The following PDGFRA variants were observed in gnomAD, a reference collection of about 807,000 sequenced individuals.
PDGFRA encodes platelet derived growth factor receptor alpha, also known as platelet-derived growth factor receptor alpha.
Under a neutral mutation model 121.5 loss-of-function variants are expected in PDGFRA, and 25 were observed. The ratio of observed to expected loss-of-function variants is 0.21; its 90% confidence interval spans 0.15 to 0.29. PDGFRA has a LOEUF of 0.29. Among genes scored for constraint, PDGFRA ranks in the 10% least tolerant of loss-of-function variants. The probability of loss-of-function intolerance (pLI) is 1.00; values close to 1 mark genes in which losing one functional copy is unlikely to be tolerated. For synonymous variants in PDGFRA, 463 were observed against 494.8 expected (o/e 0.94, Z 0.85); for missense variants, 1,008 against 1,345.1 (o/e 0.75, Z 3.92).
chr4:54,258,827 C>T lies in PDGFRA; in HGVS notation c.49+10C>T, dbSNP rs377310679. 1 of 1,611,290 alleles carries T rather than the reference C, an allele frequency of 6.2e-7. No homozygotes were observed. The highest frequency in any genetic ancestry group is 1.3e-5 in the African/African-American group (1 of 74,946). ...GGCTGTCTTCTCACAGGTACGGAGCCCAGTCCTCTCTGAGTTCCTTGTTTG... is the reference window on the plus strand; with the variant it reads ...GGCTGTCTTCTCACAGGTACGGAGCTCAGTCCTCTCTGAGTTCCTTGTTTG... On this transcript the variant is annotated intron_variant, in intron 2 of 22. Coordinates refer to ENST00000257290, the MANE Select transcript of PDGFRA (RefSeq NM_006206.6).
At position 54,295,281 on chromosome 4, in the gene PDGFRA, T is replaced by G. The variant is rs762091057; in HGVS notation, c.*9T>G. On this transcript the variant is annotated 3_prime_UTR_variant, in exon 23 of 23. Transcript: ENST00000257290. ...AAGACAGCTTCCTGTAACTGGCGGA[T>G]TCGAGGGGTTCCTTCCACTTCTGGG... The G allele has an allele frequency of 6.2e-7, 1 of 1,613,972 alleles. No homozygotes were observed. The highest frequency in any genetic ancestry group is 8.5e-7 in the Non-Finnish European group (1 of 1,179,924).
intron 16 of PDGFRA, among the ~76,000 whole-genome samples, 176 bp from the exon 17 acceptor site, chr4:54,285,195 C>T (rs1724277189): frequency 6.6e-6 from 1 of 152,090 alleles, no homozygotes; most frequent in African/African-American, 2.4e-5. Flanking sequence ...CATGCCTGGC[C>T]TATATATCTA....
chr4:54,272,241 C>A (rs1723440935), intron 8 of PDGFRA, among the ~76,000 whole-genome samples, 153 bp from the exon 9 acceptor site: 1 of 151,976 alleles, frequency 6.6e-6, no homozygotes. Context: ...GTGGGTCTGT[C>A]TAAACTGGAG....
intron 18 of PDGFRA, 59 bp downstream of exon 18, chr4:54,286,022 T>G: frequency 2.6e-6 from 4 of 1,562,870 alleles, no homozygotes; most frequent in Non-Finnish European, 3.5e-6. Context: ...ATCTCTAAAG[T>G]CAGGTGTTGC....
At position 54,296,963 on chromosome 4, in the gene PDGFRA, G is replaced by A. The variant is rs1358853194; in HGVS notation, c.*1691G>A. 2 of 233,028 alleles carry A rather than the reference G, an allele frequency of 8.6e-6. No homozygotes were observed. Among genetic ancestry groups the A allele is most frequent in the African/African-American group, 4.4e-5 (2 of 45,316 alleles). 14.4% of individuals were successfully genotyped at this position (233,028 alleles called of 1,614,324 possible). A position where few individuals can be genotyped will look rare whatever the true frequency, so the allele number is the denominator to read the frequency against. Reference sequence around the variant, plus strand: ...TAAAGATGCTACTTCCCACTGTATGGGGGAGATTGAACTTTCCCCGTCTCC... The same window carrying A: ...TAAAGATGCTACTTCCCACTGTATGAGGGAGATTGAACTTTCCCCGTCTCC... On this transcript the variant is annotated 3_prime_UTR_variant, in exon 23 of 23. Transcript: ENST00000257290.
intron 1 of PDGFRA, among the ~76,000 whole-genome samples, chr4:54,237,261 C>G (rs1173143572): frequency 6.6e-6 from 1 of 152,316 alleles, no homozygotes; most frequent in East Asian, 1.9e-4. Context: ...TGAGCCACCA[C>G]GCCCGGCCTC....
intron 1 of PDGFRA, among the ~76,000 whole-genome samples, chr4:54,242,804 C>G (rs535577718): frequency 6.6e-6 from 1 of 152,078 alleles, no homozygotes. Context: ...CCACAGACCT[C>G]GTTTTGGGAG....
Position 54,292,916 on chromosome 4 carries a change from A to T in PDGFRA, c.3123-2209A>T, listed in dbSNP as rs868521073. On this transcript the variant is annotated intron_variant, in intron 22 of 22. Coordinates refer to ENST00000257290, the MANE Select transcript of PDGFRA (RefSeq NM_006206.6). ...GGGAGAAGGAAGAGGATCAGAAAAA[A>T]TACCTATCGGATACTGTGCTTATTA... Among the ~76,000 whole-genome samples, 54 of 152,316 alleles carry T rather than the reference A, an allele frequency of 3.5e-4. 1 individual carries two copies. Among genetic ancestry groups the T allele is most frequent in the African/African-American group, 1.2e-3 (51 of 41,572 alleles).
At chr4:54,248,408 G>A (rs1443132118) in intron 1 of PDGFRA, among the ~76,000 whole-genome samples, 8 of 152,020 alleles carry the variant, frequency 5.3e-5, no homozygotes, top group African/African-American at 1.4e-4. Flanking sequence ...CAGAAATAAC[G>A]CCGCATATCT....
intron 1 of PDGFRA, among the ~76,000 whole-genome samples, chr4:54,235,733 T>C (rs1236195757): frequency 1.3e-5 from 2 of 152,158 alleles, no homozygotes; most frequent in Non-Finnish European, 2.9e-5. Context: ...ACTTTCTTAG[T>C]TAAGGAGAAG....
chr4:54,286,481 C>T (rs1029531984), intron 18 of PDGFRA, among the ~76,000 whole-genome samples: 3 of 151,890 alleles, frequency 2.0e-5, no homozygotes, highest in Non-Finnish European at 4.4e-5. Flanking sequence ...CTTAGCCTCC[C>T]GAGTAGGTGG....
chr4:54,273,860 A>C, intron 10 of PDGFRA, 130 bp downstream of exon 10: 1 of 762,236 alleles, frequency 1.3e-6, no homozygotes, highest in Non-Finnish European at 2.2e-6. Context: ...GAATGCTCTT[A>C]AAGTCATGTG....
chr4:54,284,781 A>G (rs1373684158), intron 16 of PDGFRA, among the ~76,000 whole-genome samples: 3 of 140,830 alleles, frequency 2.1e-5, no homozygotes, highest in African/African-American at 7.9e-5. Context: ...GTGGGGACAC[A>G]TATCCAAACT....
At chr4:54,240,053 A>G in intron 1 of PDGFRA, 1 of 422,080 alleles carries the variant, frequency 2.4e-6, no homozygotes, top group Non-Finnish European at 4.8e-6. Flanking sequence ...GGGTTTTGCC[A>G]TGCTGCCTAG....
chr4:54,241,325 T>C lies in PDGFRA; in HGVS notation c.-13+11910T>C, dbSNP rs573832076. Among the ~76,000 whole-genome samples, 97 of 152,124 alleles carry C rather than the reference T, an allele frequency of 6.4e-4. 1 individual carries two copies. The highest frequency in any genetic ancestry group is 5.2e-4 in the Admixed American group (8 of 15,266). The stretch of plus-strand genomic sequence containing the variant: ...TTTGGTAAGGAATGTTATAAAGAAA[T>C]TTTATGAGAAAGGATCTTATATGAT... On this transcript the variant is annotated intron_variant, in intron 1 of 22. Coordinates refer to ENST00000257290, the MANE Select transcript of PDGFRA (RefSeq NM_006206.6).
chr4:54,278,030 G>T (rs542075467), intron 14 of PDGFRA, 24 bp downstream of exon 14: 1 of 1,344,462 alleles, frequency 7.4e-7, no homozygotes, highest in South Asian at 1.2e-5. Flanking sequence ...CCTGGAGTGA[G>T]GATTTTCACT....
intron 19 of PDGFRA, among the ~76,000 whole-genome samples, chr4:54,288,511 TGTTGATCCA>T (rs1254251528): frequency 6.6e-6 from 1 of 152,104 alleles, no homozygotes; most frequent in Non-Finnish European, 1.5e-5. Context: ...ATTTTGTCTG[TGTTGATCCA>T]GTAGTCATAC....
intron 1 of PDGFRA, among the ~76,000 whole-genome samples, chr4:54,246,186 G>A (rs1041789024): frequency 2.0e-5 from 3 of 152,088 alleles, no homozygotes; most frequent in African/African-American, 7.2e-5. Context: ...AAGATAGCCA[G>A]GAATTGAACT....
rs1724837333 is a variant in PDGFRA at position 54,295,407 on chromosome 4, C to G, written c.*135C>G. 2.5e-6 allele frequency: 2 copies of G among 814,504 alleles called. No individual in the cohort carries two copies. The highest frequency in any genetic ancestry group is 4.1e-6 in the Non-Finnish European group (2 of 490,338). 50.5% of individuals were successfully genotyped at this position (814,504 alleles called of 1,614,324 possible). A position where few individuals can be genotyped will look rare whatever the true frequency, so the allele number is the denominator to read the frequency against. On this transcript the variant is annotated 3_prime_UTR_variant, in exon 23 of 23. Coordinates refer to ENST00000257290, the MANE Select transcript of PDGFRA (RefSeq NM_006206.6). Reference sequence around the variant, plus strand: ...AAGAGAAGTTCCCAGCCAAGGGCCTCGGGGAGCGTTCTAAATATGAATGAA... The same window carrying G: ...AAGAGAAGTTCCCAGCCAAGGGCCTGGGGGAGCGTTCTAAATATGAATGAA...
Sources: gnomAD v4.1 joint callset for allele counts (sites outside exome capture counted in the v4.1 genomes callset) on GRCh38, gnomAD v4.1.1 for gene constraint, MANE v1.5 for transcripts, NCBI Gene and HGNC (gene_info 2026-07-23, HGNC 2026-07-21) for gene names.